NRK: variants seen among roughly 807,000 people sequenced by gnomAD.
NRK encodes Nik related kinase.
In NRK, 67 loss-of-function variants were observed where a neutral mutation model predicts 125.2. That is an observed-to-expected ratio of 0.54 (90% CI 0.44 to 0.66). NRK has a LOEUF of 0.66. Ranked by LOEUF, NRK falls within the 30% of genes least tolerant of loss-of-function variation. The pLI is 0.00. For missense variants in NRK, 1,224 were observed against 1,192.9 expected (o/e 1.03, Z -0.38); for synonymous variants, 458 against 429.0 (o/e 1.07, Z -0.84).
intron 18 of NRK, among the ~76,000 whole-genome samples, chrX:105,923,919 ATATATATG>A (rs1442382582): frequency 2.7e-3 from 241 of 90,672 alleles, no homozygotes; most frequent in African/African-American, 0.01. Flanking sequence ...ATATATATAT[ATATATATG>A]TGAAATTTAA....
chrX:105,881,808 C>G (rs894393006), intron 4 of NRK, 29 bp downstream of exon 4: 2 of 825,396 alleles, frequency 2.4e-6, no homozygotes, highest in African/African-American at 4.1e-5. Context: ...CATTAATACC[C>G]AAGTAGTCTT....
At chrX:105,892,077 A>G (rs1350350326) in intron 5 of NRK, among the ~76,000 whole-genome samples, 1 of 111,703 alleles carries the variant, frequency 9.0e-6, no homozygotes, top group Non-Finnish European at 1.9e-5. Context: ...AAAACTATCT[A>G]TTTGTCAGGT....
At chrX:105,940,168 C>T (rs2040720187) in intron 23 of NRK, 136 bp downstream of exon 23, 2 of 455,282 alleles carry the variant, frequency 4.4e-6, no homozygotes, top group African/African-American at 2.5e-5. Flanking sequence ...CAGGGACGTT[C>T]AGGGTGGTAT....
At chrX:105,874,631 T>C (rs2039789943) in intron 2 of NRK, among the ~76,000 whole-genome samples, 2 of 112,069 alleles carry the variant, frequency 1.8e-5, no homozygotes, top group Admixed American at 9.5e-5. Context: ...TGGTTTTTGT[T>C]AAAAGCAGGC....
At chrX:105,885,171 G>T (rs2039927921) in intron 4 of NRK, among the ~76,000 whole-genome samples, 1 of 111,954 alleles carries the variant, frequency 8.9e-6, no homozygotes, top group African/African-American at 3.2e-5. Flanking sequence ...TTTATAAATT[G>T]AACTATTATA....
chrX:105,924,643 A>G, intron 18 of NRK, 52 bp from the exon 19 acceptor site: 1 of 1,034,252 alleles, frequency 9.7e-7, no homozygotes, highest in Non-Finnish European at 1.3e-6. Flanking sequence ...GCTAACTTTC[A>G]AATGTGTTTT....
At position 105,838,444 on chromosome X, in the gene NRK, C is replaced by T. The variant is rs369752447; in HGVS notation, c.123+7325C>T. The stretch of plus-strand genomic sequence containing the variant: ...GTGAGGTGAGACAATGAATTGGTAT[C>T]CAGAATGAATGAGTTTGCCTTGGCC... On this transcript the variant is annotated intron_variant, in intron 2 of 28. Transcript: ENST00000243300. Among the ~76,000 whole-genome samples, 4 of 110,644 alleles carry T rather than the reference C, an allele frequency of 3.6e-5. No individual in the cohort carries two copies. In the East Asian group the frequency reaches 1.1e-3, roughly 32 times the overall value.
At chrX:105,876,162 A>T (rs1292634180) in intron 2 of NRK, among the ~76,000 whole-genome samples, 2 of 110,484 alleles carry the variant, frequency 1.8e-5, no homozygotes, top group African/African-American at 6.6e-5. Flanking sequence ...AAGACACAAA[A>T]TTTCAGTTAG....
intron 24 of NRK, 113 bp downstream of exon 24, chrX:105,944,154 T>A: frequency 2.4e-6 from 1 of 420,506 alleles, no homozygotes; most frequent in Non-Finnish European, 4.0e-6. Flanking sequence ...TCTTCTATAG[T>A]TAATGAAATT....
intron 2 of NRK, among the ~76,000 whole-genome samples, chrX:105,838,467 G>A (rs1174227633): frequency 9.0e-6 from 1 of 110,711 alleles, no homozygotes; most frequent in East Asian, 2.8e-4. Flanking sequence ...GTTTGCCTTG[G>A]CCCTTCATGA....
At chrX:105,830,121 A>G (rs1454649346) in intron 1 of NRK, among the ~76,000 whole-genome samples, 1 of 107,789 alleles carries the variant, frequency 9.3e-6, no homozygotes, top group Non-Finnish European at 1.9e-5. Flanking sequence ...AGGCGGGTGG[A>G]TCACGAGGTC....
At position 105,905,886 on chromosome X, in the gene NRK, T is replaced by C. The variant is rs978730197; in HGVS notation, c.846-528T>C. 8.9e-5 allele frequency among the ~76,000 whole-genome samples: 10 copies of C among 112,257 alleles called. 1 individual carries two copies. Among genetic ancestry groups the C allele is most frequent in the Non-Finnish European group, 1.9e-4 (10 of 53,240 alleles). ...GTGATTTGATTGTTAACATTCTGCA[T>C]TGGAATTCAATTTAACCCTTTCCAT... On this transcript the variant is annotated intron_variant, in intron 10 of 28. Coordinates refer to ENST00000243300, the MANE Select transcript of NRK (RefSeq NM_198465.4).
chrX:105,876,950 C>T (rs2039823417), intron 2 of NRK, among the ~76,000 whole-genome samples: 2 of 111,454 alleles, frequency 1.8e-5, no homozygotes, highest in South Asian at 3.7e-4. Context: ...TTCTTCAAAA[C>T]GAACATCAGT....
At position 105,939,867 on chromosome X, in the gene NRK, CT is replaced by C; in HGVS notation, c.3800-6del. 1 of 1,082,119 alleles carries C rather than the reference CT, an allele frequency of 9.2e-7. No individual in the cohort carries two copies. The highest frequency in any genetic ancestry group is 1.9e-5 in the African/African-American group (1 of 53,880). The allele number at this position is 1,082,119 out of a possible 1,213,427, so 89.2% of individuals were successfully genotyped here. On this transcript the variant is annotated splice_region_variant and splice_polypyrimidine_tract_variant and intron_variant, in intron 22 of 28. Transcript: ENST00000243300. ...TTTTAAATACTGTATATTTTCTTAT[CT>C]ATCAGGTCATAAGAACAGACTTCGG...
At chrX:105,830,823 G>A (rs1452792903) in intron 1 of NRK, among the ~76,000 whole-genome samples, 1 of 99,857 alleles carries the variant, frequency 1.0e-5, no homozygotes, top group East Asian at 3.2e-4. Flanking sequence ...CACACACTGG[G>A]GACTGTTGTG....
rs771289951 is a variant in NRK at position 105,880,272 on chromosome X, C to G, written c.180+17C>G. 3.4e-6 allele frequency: 3 copies of G among 878,782 alleles called. No homozygotes were observed. The highest frequency in any genetic ancestry group is 6.4e-5 in the South Asian group (2 of 31,438). 72.4% of individuals were successfully genotyped at this position (878,782 alleles called of 1,213,427 possible). A position where few individuals can be genotyped will look rare whatever the true frequency, so the allele number is the denominator to read the frequency against. On this transcript the variant is annotated intron_variant, in intron 3 of 28. Transcript: ENST00000243300. Reference sequence around the variant, plus strand: ...GCTCGTAAGGTAATATTATAAATTGCCTGTATTCTCTTCCCTTAGTGGACT... The same window carrying G: ...GCTCGTAAGGTAATATTATAAATTGGCTGTATTCTCTTCCCTTAGTGGACT...
chrX:105,822,747 C>T lies in NRK; in HGVS notation c.-99C>T, dbSNP rs760220054. On this transcript the variant is annotated 5_prime_UTR_variant, in exon 1 of 29. Coordinates refer to ENST00000243300, the MANE Select transcript of NRK (RefSeq NM_198465.4). ...CCCCAGACTCCTCTCTCCCGCCCTC[C>T]TCCTTCCTCTCTCCTCCCTTCAACT... 9.3e-5 allele frequency: 76 copies of T among 816,349 alleles called. No individual in the cohort carries two copies. The highest frequency in any genetic ancestry group is 1.4e-4 in the Non-Finnish European group (76 of 553,199). 67.3% of individuals were successfully genotyped at this position (816,349 alleles called of 1,213,427 possible). A position where few individuals can be genotyped will look rare whatever the true frequency, so the allele number is the denominator to read the frequency against.
chrX:105,917,293 T>C (rs2040378255), intron 15 of NRK, among the ~76,000 whole-genome samples: 1 of 111,112 alleles, frequency 9.0e-6, no homozygotes, highest in African/African-American at 3.3e-5. Flanking sequence ...GAATGTTAGC[T>C]TTAAAAGCTT....
In NRK at chrX:105,923,139, G is replaced by A. The variant is rs2147768354; in HGVS notation, c.2632G>A (p.Gly878Arg). The change falls in exon 18 of 29, where the codon GGA becomes AGA. Residue 878 changes from glycine to arginine, a missense_variant. By Grantham distance (125) the Gly-to-Arg change is moderately radical (BLOSUM62 -2). Coordinates refer to ENST00000243300, the MANE Select transcript of NRK (RefSeq NM_198465.4). ...DIHVPDGFKV[G>R]KISPPVYLTN... The stretch of plus-strand genomic sequence containing the variant: ...ACAGGTTCCAGATGGATTTAAAGTA[G>A]GAAAAATATCACCCCCTGTATACTT... 1 of 1,199,962 alleles carries A rather than the reference G, an allele frequency of 8.3e-7. No homozygotes were observed. The highest frequency in any genetic ancestry group is 1.1e-6 in the Non-Finnish European group (1 of 887,592).
Sources: allele counts gnomAD v4.1 joint callset (sites outside exome capture counted in the v4.1 genomes callset), GRCh38; gene constraint gnomAD v4.1.1; transcripts MANE v1.5; gene names NCBI Gene and HGNC (gene_info 2026-07-23, HGNC 2026-07-21).